Variants in ZNRF3 observed in about 807,000 individuals in gnomAD.
The protein encoded by ZNRF3 is zinc and ring finger 3, also known as E3 ubiquitin-protein ligase ZNRF3.
A neutral mutation model predicts 72.5 loss-of-function variants in ZNRF3; 23 were observed. That is an observed-to-expected ratio of 0.32 (90% confidence interval 0.23 to 0.45). ZNRF3 has a LOEUF of 0.45. Among genes scored for constraint, ZNRF3 ranks in the 20% least tolerant of loss-of-function variants. ZNRF3 has a pLI of 1.00. For missense variants in ZNRF3, 1,169 were observed against 1,272.1 expected, an observed-to-expected ratio of 0.92 and a Z score of 1.23; for synonymous variants, 610 against 545.3, an observed-to-expected ratio of 1.12 and a Z score of -1.65.
At chr22:28,893,157 ACT>A (rs1242829926) in intron 1 of ZNRF3, among the ~76,000 whole-genome samples, 1 of 152,050 alleles carries the variant, frequency 6.6e-6, no homozygotes, top group African/African-American at 2.4e-5. Context: ...ACTGAGCGAG[ACT>A]CTGTCTCAAA....
intron 1 of ZNRF3, among the ~76,000 whole-genome samples, chr22:28,984,557 G>A (rs2035819924): frequency 6.6e-6 from 1 of 152,170 alleles, no homozygotes; most frequent in African/African-American, 2.4e-5. Context: ...CATTCATCTG[G>A]AAACCTCCAA....
intron 2 of ZNRF3, among the ~76,000 whole-genome samples, chr22:29,033,434 G>A (rs2036802497): frequency 6.6e-6 from 1 of 151,834 alleles, no homozygotes; most frequent in Admixed American, 6.6e-5. Context: ...AGCAGGAGGA[G>A]GTCACATCTT....
intron 2 of ZNRF3, among the ~76,000 whole-genome samples, chr22:29,017,350 T>C (rs1365799428): frequency 6.6e-6 from 1 of 152,184 alleles, no homozygotes; most frequent in African/African-American, 2.4e-5. Flanking sequence ...CGCCTGCCAC[T>C]CTCTGCTGTC....
intron 2 of ZNRF3, among the ~76,000 whole-genome samples, chr22:29,040,923 C>CA (rs2123879950): frequency 6.6e-6 from 1 of 152,314 alleles, no homozygotes; most frequent in East Asian, 1.9e-4. Flanking sequence ...TTTGCTTTCT[C>CA]ACGCCACATC....
chr22:29,021,490 C>CT (rs5844830), intron 2 of ZNRF3, among the ~76,000 whole-genome samples: 3,828 of 144,222 alleles, frequency 0.027, 83 homozygotes, highest in African/African-American at 0.058. Flanking sequence ...TTGTTTTAAT[C>CT]TTTTTTTTTT....
chr22:28,887,956 C>T (rs1428052135), intron 1 of ZNRF3, among the ~76,000 whole-genome samples: 3 of 148,410 alleles, frequency 2.0e-5, no homozygotes, highest in Non-Finnish European at 2.9e-5. Flanking sequence ...GTTTTAAAGT[C>T]GAAATGCATT....
rs192993617 is a variant in ZNRF3 at position 28,962,192 on chromosome 22, G to C, written c.301-24884G>C. Among the ~76,000 whole-genome samples the C allele has an allele frequency of 1.1e-3, 161 of 152,298 alleles. 1 individual carries two copies. The South Asian group carries it at 0.023, about 22-fold the overall frequency. The stretch of plus-strand genomic sequence containing the variant: ...CCCAACTGCTCAATAGCAACATGTG[G>C]CTTGTAGCTCCTACATTGCTGGTAT... On this transcript the variant is annotated intron_variant, in intron 1 of 8. Transcript: ENST00000544604.
At chr22:28,979,443 A>G (rs964079991) in intron 1 of ZNRF3, among the ~76,000 whole-genome samples, 12 of 152,180 alleles carry the variant, frequency 7.9e-5, no homozygotes, top group Non-Finnish European at 7.3e-5. Flanking sequence ...TATAGAAAGC[A>G]GTAGCCACCC....
Position 29,012,994 on chromosome 22 carries a change from A to G in ZNRF3, c.426+25793A>G, listed in dbSNP as rs996449963. On this transcript the variant is annotated intron_variant, in intron 2 of 8. Transcript: ENST00000544604. The stretch of plus-strand genomic sequence containing the variant: ...ATCAGTTCTGTCCTTTGAGTTACTT[A>G]AGCGTATAGATGGTAGTTGATACAG... Among the ~76,000 whole-genome samples the G allele has an allele frequency of 4.6e-5, 7 of 152,258 alleles. No homozygotes were observed. The South Asian group carries it at 1.5e-3, about 32-fold the overall frequency.
chr22:28,918,633 G>C (rs1203105090), intron 1 of ZNRF3, among the ~76,000 whole-genome samples: 1 of 151,922 alleles, frequency 6.6e-6, no homozygotes, highest in Non-Finnish European at 1.5e-5. Context: ...TTAGAATACA[G>C]CCACCAAGCT....
Position 29,050,420 on chromosome 22 carries a change from G to T in ZNRF3, c.2239G>T (p.Gly747Cys), listed in dbSNP as rs1289259418. The change falls in exon 8 of 9, where the codon GGT becomes TGT. Residue 747 changes from glycine to cysteine, a missense_variant. This residue lies in a region of ZNRF3 where 783 missense variants were observed against 731.4 expected (regional missense o/e 1.07). Transcript: ENST00000544604. ...PHLYEGSGPA[G>C]GEPQSGSSQG... Reference sequence around the variant, plus strand: ...CCTCTACGAGGGCTCTGGCCCGGCGGGTGGGGAGCCCCAGTCAGGAAGCTC... The same window carrying T: ...CCTCTACGAGGGCTCTGGCCCGGCGTGTGGGGAGCCCCAGTCAGGAAGCTC... 6.2e-7 allele frequency: 1 copy of T among 1,608,104 alleles called. No individual in the cohort carries two copies. The highest frequency in any genetic ancestry group is 1.3e-5 in the African/African-American group (1 of 74,842).
At chr22:29,032,215 A>G (rs1166360483) in intron 2 of ZNRF3, among the ~76,000 whole-genome samples, 2 of 152,210 alleles carry the variant, frequency 1.3e-5, no homozygotes, top group Non-Finnish European at 2.9e-5. Flanking sequence ...ATTCACATAC[A>G]GCCTGTTCTT....
In ZNRF3 at chr22:29,020,371, G is replaced by T. The variant is rs192120147; in HGVS notation, c.427-22124G>T. ...TGCCTCCTGGGTTCAAGCAATTCTT[G>T]TGCCTCAGCCTCCTGAGTAGCTGGG... On this transcript the variant is annotated intron_variant, in intron 2 of 8. Coordinates refer to ENST00000544604, the MANE Select transcript of ZNRF3 (RefSeq NM_001206998.2). Among the ~76,000 whole-genome samples the T allele has an allele frequency of 7.6e-3, 1,108 of 145,778 alleles. 20 individuals carry two copies. The highest frequency in any genetic ancestry group is 0.027 in the African/African-American group (1,070 of 39,602).
intron 1 of ZNRF3, among the ~76,000 whole-genome samples, chr22:28,954,864 C>T (rs1441927448): frequency 1.3e-5 from 2 of 151,884 alleles, no homozygotes; most frequent in African/African-American, 4.8e-5. Flanking sequence ...ATTCTCCCAC[C>T]TTGTCCTCCC....
intron 2 of ZNRF3, among the ~76,000 whole-genome samples, chr22:29,032,737 T>G (rs551809089): frequency 6.6e-6 from 1 of 152,290 alleles, no homozygotes; most frequent in South Asian, 2.1e-4. Context: ...CAACAAACAT[T>G]TTTTGGCCAT....
chr22:28,973,034 G>C (rs866070159), intron 1 of ZNRF3, among the ~76,000 whole-genome samples: 7 of 152,174 alleles, frequency 4.6e-5, no homozygotes, highest in Middle Eastern at 3.2e-3. Context: ...CCAGGCTGGA[G>C]CGCAGTGGAG....
chr22:29,042,588 G>A lies in ZNRF3; in HGVS notation c.501+19G>A, dbSNP rs775322890. On this transcript the variant is annotated intron_variant, in intron 3 of 8. Transcript: ENST00000544604. ...TGATCAGGTAAGCTCCTCAGGCCAT[G>A]CCAACACTGCAGCCTCCCTGAGAAA... 6.2e-7 allele frequency: 1 copy of A among 1,610,728 alleles called. No homozygotes were observed. Among genetic ancestry groups the A allele is most frequent in the Non-Finnish European group, 8.5e-7 (1 of 1,178,524 alleles).
chr22:28,894,554 G>A, intron 1 of ZNRF3, among the ~76,000 whole-genome samples: 1 of 152,130 alleles, frequency 6.6e-6, no homozygotes, highest in East Asian at 1.9e-4. Flanking sequence ...CCGCTGTGCT[G>A]TCGTCACACC....
At chr22:28,985,510 C>T (rs988927970) in intron 1 of ZNRF3, among the ~76,000 whole-genome samples, 38 of 152,220 alleles carry the variant, frequency 2.5e-4, no homozygotes, top group Admixed American at 6.5e-5. Context: ...ACTCATGTTA[C>T]GCTTGAATAC....
Sources: allele counts gnomAD v4.1 joint callset (sites outside exome capture counted in the v4.1 genomes callset), GRCh38; gene constraint gnomAD v4.1.1; regional missense constraint gnomAD v4.1.1; transcripts MANE v1.5; gene names NCBI Gene and HGNC (gene_info 2026-07-23, HGNC 2026-07-21).